The following DHX37 variants were observed in gnomAD, a reference collection of about 807,000 sequenced individuals.
The protein encoded by DHX37 is probable ATP-dependent RNA helicase DHX37.
Under a neutral mutation model 134.3 loss-of-function variants are expected in DHX37, and 52 were observed. The observed-to-expected ratio is 0.39, with a 90% CI of 0.31 to 0.49. The LOEUF (loss-of-function observed/expected upper bound fraction) is 0.49, where lower values mean the gene tolerates loss of function less well. Among genes scored for constraint, DHX37 ranks in the 20% least tolerant of loss-of-function variants. DHX37 has a pLI of 0.93. For missense variants in DHX37, 1,344 were observed against 1,580.8 expected (o/e 0.85, Z 2.54); for synonymous variants, 634 against 670.7 (o/e 0.95, Z 0.85).
At chr12:124,962,530 C>G (rs1228422948) in intron 15 of DHX37, among the ~76,000 whole-genome samples, 1 of 152,110 alleles carries the variant, frequency 6.6e-6, no homozygotes, top group Non-Finnish European at 1.5e-5. Context: ...GTGGTGGGCA[C>G]CTGTAATCTC....
chr12:124,965,606 T>G (rs530280016), intron 13 of DHX37, 62 bp downstream of exon 13: 2 of 1,517,306 alleles, frequency 1.3e-6, no homozygotes, highest in African/African-American at 2.8e-5. Flanking sequence ...CCACAAGGGC[T>G]CTGGGCACAT....
chr12:124,978,727 C>A (rs1262426011), intron 4 of DHX37, among the ~76,000 whole-genome samples: 2 of 151,300 alleles, frequency 1.3e-5, no homozygotes. Context: ...GAATTCAAGA[C>A]CAGCCTGGGC....
rs377075951 is a variant in DHX37 at position 124,965,702 on chromosome 12, G to C, written c.1701C>G (p.Leu567=). Residue 567 remains leucine, a synonymous_variant, in exon 13 of 27, where the codon CTC becomes CTG. Coordinates refer to ENST00000308736, the MANE Select transcript of DHX37 (RefSeq NM_032656.4). ...GCCCGCCATCCCCCAGGTCCAGATC[G>C]AGGTCGGAGTCCAGGGCCCCCTCTT... ...DEEEGALDSD[L]DLDLGDGGQD... The C allele has an allele frequency of 6.2e-7, 1 of 1,613,472 alleles. No individual in the cohort carries two copies. Among genetic ancestry groups the C allele is most frequent in the Non-Finnish European group, 8.5e-7 (1 of 1,179,690 alleles).
rs2135978727 is a variant in DHX37, at chr12:124,988,937, G to C, written c.86C>G (p.Pro29Arg). 1 of 1,336,990 alleles carries C rather than the reference G, an allele frequency of 7.5e-7. No individual in the cohort carries two copies. The highest frequency in any genetic ancestry group is 2.8e-5 in the East Asian group (1 of 35,802). The allele number at this position is 1,336,990 out of a possible 1,614,324, so 82.8% of individuals were successfully genotyped here. A position where few individuals can be genotyped will look rare whatever the true frequency, so the allele number is the denominator to read the frequency against. The change falls in exon 1 of 27, where the codon CCC (proline) becomes CGC (arginine). Residue 29 changes from proline to arginine, a missense_variant. Pro to Arg is a moderately radical substitution (Grantham distance 103). Transcript: ENST00000308736. ...GPSKGPPEPP[P>R]VQLELEDKDT... is the part of the protein sequence containing the mutation. ...CTTACCCTCCAGTTCCAGCTGCACG[G>C]GGGGCGGCTCGGGGGGGCCCTTCGA...
At chr12:124,986,431 C>T (rs746796744) in intron 1 of DHX37, among the ~76,000 whole-genome samples, 166 bp from the exon 2 acceptor site, 1 of 152,144 alleles carries the variant, frequency 6.6e-6, no homozygotes, top group Non-Finnish European at 1.5e-5. Flanking sequence ...GTTCTCAAGG[C>T]TTGGCGCAGG....
Position 124,956,831 on chromosome 12 carries a change from C to A in DHX37, c.2313G>T (p.Leu771=). The A allele has an allele frequency of 6.2e-7, 1 of 1,609,596 alleles. No homozygotes were observed. The highest frequency in any genetic ancestry group is 8.5e-7 in the Non-Finnish European group (1 of 1,176,768). ...CGGGGAATGTGGCCATTGTCCGGCC[C>A]AGCGCAGTGATGGGGCAGCTCAGCC... is the stretch of plus-strand genomic sequence containing the variant. ...ENRLSCPITA[L]GRTMATFPVA... The change falls in exon 18 of 27, where the codon CTG becomes CTT. Residue 771 remains leucine, a synonymous_variant. Transcript: ENST00000308736.
chr12:124,975,387 CAT>C (rs1954615601), intron 6 of DHX37, 30 bp downstream of exon 6: 1 of 1,608,014 alleles, frequency 6.2e-7, no homozygotes, highest in Non-Finnish European at 8.5e-7. Flanking sequence ...AGGACCACCC[CAT>C]AGTCCGCCCC....
intron 15 of DHX37, among the ~76,000 whole-genome samples, chr12:124,963,595 C>A (rs1292289172): frequency 6.6e-6 from 1 of 152,016 alleles, no homozygotes; most frequent in Admixed American, 6.6e-5. Flanking sequence ...AGTGGCCGGG[C>A]ACGGTGGCTC....
chr12:124,978,503 A>G (rs1004438105), intron 4 of DHX37, among the ~76,000 whole-genome samples: 12 of 150,700 alleles, frequency 8.0e-5, no homozygotes, highest in South Asian at 4.2e-4. Context: ...TTTTCAGTAG[A>G]GACGGGGTTT....
intron 8 of DHX37, 143 bp downstream of exon 8, chr12:124,971,159 C>A (rs766874406): frequency 1.5e-6 from 2 of 1,352,550 alleles, no homozygotes; most frequent in Non-Finnish European, 2.0e-6. Context: ...AGACCTAGGC[C>A]CAGGGAGACC....
Position 124,965,649 on chromosome 12 carries a change from A to T in DHX37, c.1735+19T>A, listed in dbSNP as rs1022040255. Reference sequence around the variant, plus strand: ...GCAGAGATAATGAACATGAGCAGGAATCGGTGCTCGGGCCACACCTCCATC... The same window carrying T: ...GCAGAGATAATGAACATGAGCAGGATTCGGTGCTCGGGCCACACCTCCATC... On this transcript the variant is annotated intron_variant, in intron 13 of 26. Transcript: ENST00000308736. 1.9e-6 allele frequency: 3 copies of T among 1,587,844 alleles called. No homozygotes were observed. In the Admixed American group the frequency reaches 5.2e-5, roughly 27 times the overall value.
intron 5 of DHX37, among the ~76,000 whole-genome samples, chr12:124,976,515 C>G: frequency 6.6e-6 from 1 of 151,920 alleles, no homozygotes; most frequent in East Asian, 1.9e-4. Flanking sequence ...AGTTCAAGAC[C>G]AGCCTGACCA....
In DHX37 at chr12:124,954,171, T is replaced by C. The variant is rs139700161; in HGVS notation, c.2494A>G (p.Lys832Glu). 3.0e-5 allele frequency: 49 copies of C among 1,611,452 alleles called. No homozygotes were observed. Among genetic ancestry groups the C allele is most frequent in the Non-Finnish European group, 3.9e-5 (46 of 1,179,050 alleles). ...SDEELTRLKS[K>E]RARVAQMKRT... Reference sequence around the variant, plus strand: ...TTCATCTGGGCCACCCGGGCCCGCTTGCTCTTCAGCCTGGTGAGCTCCTCG... The same window carrying C: ...TTCATCTGGGCCACCCGGGCCCGCTCGCTCTTCAGCCTGGTGAGCTCCTCG... The change falls in exon 19 of 27, where the codon AAG becomes GAG. Residue 832 changes from lysine to glutamate, a missense_variant. This residue lies in a region of DHX37 where 558 missense variants were observed against 650.0 expected (regional missense o/e 0.86). Transcript: ENST00000308736.
At chr12:124,967,026 G>T in intron 11 of DHX37, 97 bp downstream of exon 11, 1 of 1,538,676 alleles carries the variant, frequency 6.5e-7, no homozygotes, top group Non-Finnish European at 9.0e-7. Context: ...GATGCTTCCA[G>T]AGAGAAGCTC....
chr12:124,953,692 T>G (rs1954021137), intron 20 of DHX37, 188 bp downstream of exon 20: 1 of 1,046,400 alleles, frequency 9.6e-7, no homozygotes, highest in Non-Finnish European at 1.3e-6. Flanking sequence ...AATCTGTTAG[T>G]GCCCTGCTCA....
intron 6 of DHX37, among the ~76,000 whole-genome samples, chr12:124,973,356 A>T (rs1414777937): frequency 6.6e-6 from 1 of 152,078 alleles, no homozygotes; most frequent in African/African-American, 2.4e-5. Context: ...GTGAGCCAAG[A>T]TCGCACCACT....
rs1277857720 is a variant in DHX37, at chr12:124,949,995, G to A, written c.3281C>T (p.Thr1094Met). The A allele has an allele frequency of 1.4e-5, 22 of 1,610,530 alleles. No homozygotes were observed. The highest frequency in any genetic ancestry group is 5.5e-5 in the South Asian group (5 of 90,492). ...CCACCGAAGGCAGTACCTGGCCCAC[G>A]TCTTCAGCATGGTGCCGGGGCTGGA... ...LLSSPGTMLK[T>M]WARLQPRTES... Residue 1094 changes from threonine to methionine, a missense_variant, in exon 25 of 27, where the codon ACG becomes ATG. By Grantham distance (81) the Thr-to-Met change is moderately conservative (BLOSUM62 -1). Transcript: ENST00000308736. This position sits in a 1 kb window ranked among gnomAD's most constrained non-coding sequence, Gnocchi z 4.0.
At chr12:124,983,816 G>A (rs1286886951) in intron 2 of DHX37, among the ~76,000 whole-genome samples, 1 of 150,680 alleles carries the variant, frequency 6.6e-6, no homozygotes, top group East Asian at 2.0e-4. Context: ...CACGCTCACA[G>A]GTGAGTAAGT....
chr12:124,977,511 C>A (rs1377167323), intron 4 of DHX37, 21 bp from the exon 5 acceptor site: 1 of 1,579,500 alleles, frequency 6.3e-7, no homozygotes, highest in East Asian at 2.3e-5. Context: ...AGGAAGTCAG[C>A]ACTTAGGGAG....
Sources: allele counts gnomAD v4.1 joint callset (sites outside exome capture counted in the v4.1 genomes callset), GRCh38; gene constraint gnomAD v4.1.1; regional missense constraint gnomAD v4.1.1; non-coding constraint Gnocchi (gnomAD v3.1); transcripts MANE v1.5; gene names NCBI Gene and HGNC (gene_info 2026-07-23, HGNC 2026-07-21).